PAX5: variants seen among roughly 807,000 people sequenced by gnomAD.
PAX5 encodes the protein paired box 5.
Under a neutral mutation model 43.7 loss-of-function variants are expected in PAX5, and 9 were observed. The ratio of observed to expected loss-of-function variants is 0.21; its 90% confidence interval spans 0.12 to 0.36. PAX5 has a LOEUF of 0.36. Ranked by LOEUF, PAX5 falls within the 10% of genes least tolerant of loss-of-function variation. PAX5 has a pLI of 1.00. For missense variants in PAX5, 383 were observed against 532.7 expected, an observed-to-expected ratio of 0.72 and a Z score of 2.77; for synonymous variants, 228 against 214.3, an observed-to-expected ratio of 1.06 and a Z score of -0.56.
chr9:36,970,828 G>A (rs1328117347), intron 5 of PAX5, among the ~76,000 whole-genome samples: 8 of 152,110 alleles, frequency 5.3e-5, no homozygotes, highest in Non-Finnish European at 1.0e-4. Flanking sequence ...TTAGGGCTCT[G>A]ACCACTTTCT....
At chr9:36,884,926 C>T (rs1301589522) in intron 7 of PAX5, among the ~76,000 whole-genome samples, 1 of 152,220 alleles carries the variant, frequency 6.6e-6, no homozygotes, top group Non-Finnish European at 1.5e-5. Context: ...TGGCACATGG[C>T]CGCATGCACT....
chr9:37,025,852 T>G (rs762721285), intron 1 of PAX5, among the ~76,000 whole-genome samples: 22 of 152,224 alleles, frequency 1.4e-4, no homozygotes, highest in Non-Finnish European at 2.5e-4. Flanking sequence ...CTTATCCTCT[T>G]TTTTTAAAGG....
At chr9:36,903,566 A>C (rs1828575042) in intron 7 of PAX5, among the ~76,000 whole-genome samples, 1 of 152,240 alleles carries the variant, frequency 6.6e-6, no homozygotes, top group African/African-American at 2.4e-5. Context: ...GGGCATGTCC[A>C]GGTGGCCTGG....
intron 6 of PAX5, among the ~76,000 whole-genome samples, chr9:36,923,837 CA>C (rs1445535839): frequency 2.0e-5 from 3 of 152,218 alleles, no homozygotes; most frequent in African/African-American, 7.2e-5. Context: ...TAACCAAAAG[CA>C]AGGCAGAAAT....
chr9:37,014,905 A>C, intron 3 of PAX5, 92 bp downstream of exon 3: 1 of 1,198,386 alleles, frequency 8.3e-7, no homozygotes, highest in Non-Finnish European at 1.2e-6. Context: ...GTGAAAAAAG[A>C]GACCAGATCT....
chr9:36,981,996 G>A (rs1396994402), intron 5 of PAX5, among the ~76,000 whole-genome samples: 2 of 152,270 alleles, frequency 1.3e-5, no homozygotes, highest in Non-Finnish European at 2.9e-5. Flanking sequence ...TGGACCCTGT[G>A]GCTCCCCACT....
At chr9:36,863,876 T>A (rs75414298) in intron 8 of PAX5, among the ~76,000 whole-genome samples, 1 of 152,128 alleles carries the variant, frequency 6.6e-6, no homozygotes, top group East Asian at 1.9e-4. Flanking sequence ...TTTGGGAGGC[T>A]AAGGTGGGCG....
rs1357576828 is a variant in PAX5 at position 36,882,541 on chromosome 9, C to G, written c.911-436G>C. On this transcript the variant is annotated intron_variant, in intron 7 of 9. Coordinates refer to ENST00000358127, the MANE Select transcript of PAX5 (RefSeq NM_016734.3). The surrounding 1 kb of genome is among the most constrained non-coding windows in gnomAD (Gnocchi z 4.4). ...AAGTCCCCCTTCCTCCAACTGCACA[C>G]AGCCTGCCACCACCTGCCTTCAAAG... is the stretch of plus-strand genomic sequence containing the variant. Among the ~76,000 whole-genome samples, 1 of 152,224 alleles carries G rather than the reference C, an allele frequency of 6.6e-6. No individual in the cohort carries two copies. Among genetic ancestry groups the G allele is most frequent in the Admixed American group, 6.5e-5 (1 of 15,284 alleles).
intron 5 of PAX5, among the ~76,000 whole-genome samples, chr9:36,995,539 C>T (rs181790229): frequency 3.9e-5 from 6 of 152,206 alleles, no homozygotes; most frequent in African/African-American, 7.2e-5. Context: ...GTGGGGATGG[C>T]GGACGGCCCT....
chr9:37,033,835 T>C (rs1009688225), intron 1 of PAX5, 151 bp downstream of exon 1: 19 of 666,270 alleles, frequency 2.9e-5, no homozygotes, highest in Non-Finnish European at 2.7e-5. Context: ...TGTGAACAGA[T>C]AGGTGAAAAA....
At chr9:36,966,376 G>A (rs372936449) in intron 6 of PAX5, among the ~76,000 whole-genome samples, 173 bp downstream of exon 6, 4 of 152,220 alleles carry the variant, frequency 2.6e-5, no homozygotes, top group Admixed American at 2.6e-4. Context: ...AAGCCCTCCC[G>A]ACCTTATAGG....
intron 7 of PAX5, among the ~76,000 whole-genome samples, chr9:36,897,608 G>A (rs1480401778): frequency 1.3e-5 from 2 of 152,176 alleles, no homozygotes; most frequent in African/African-American, 4.8e-5. Context: ...GCAAGGGCAG[G>A]GTCTTGCCCA....
intron 5 of PAX5, among the ~76,000 whole-genome samples, chr9:36,995,006 T>C: frequency 6.6e-6 from 1 of 151,788 alleles, no homozygotes; most frequent in Non-Finnish European, 1.5e-5. Flanking sequence ...ACAACCCACC[T>C]CTCTACATGA....
At chr9:36,957,062 G>T (rs932924330) in intron 6 of PAX5, among the ~76,000 whole-genome samples, 1 of 152,212 alleles carries the variant, frequency 6.6e-6, no homozygotes, top group Non-Finnish European at 1.5e-5. Flanking sequence ...CATGGGAGGA[G>T]TCACTTATCC....
At chr9:36,936,292 A>G (rs1417890939) in intron 6 of PAX5, among the ~76,000 whole-genome samples, 1 of 151,652 alleles carries the variant, frequency 6.6e-6, no homozygotes, top group Admixed American at 6.6e-5. Context: ...GGGGATGGGG[A>G]CTCCCTGTCT....
At chr9:37,019,032 C>G (rs1839633322) in intron 2 of PAX5, among the ~76,000 whole-genome samples, 1 of 152,082 alleles carries the variant, frequency 6.6e-6, no homozygotes, top group East Asian at 1.9e-4. Context: ...TTCTCTCTCC[C>G]TCTCTCTCGG....
chr9:36,992,129 C>CA (rs950244771), intron 5 of PAX5, among the ~76,000 whole-genome samples: 17 of 150,852 alleles, frequency 1.1e-4, no homozygotes, highest in Admixed American at 6.6e-5. Flanking sequence ...CCCCCACCCC[C>CA]CAACCCTCCC....
Position 36,836,231 on chromosome 9 carries a change from C to T in PAX5, c.*4329G>A, listed in dbSNP as rs566538881. 9 of 233,660 alleles carry T rather than the reference C, an allele frequency of 3.9e-5. 1 individual carries two copies. The South Asian group carries it at 1.6e-3, about 42-fold the overall frequency. 14.5% of individuals were successfully genotyped at this position (233,660 alleles called of 1,614,324 possible). ...CAGCTCCCCAATCCCGTCCCCAGCG[C>T]CTCTGACCTTCCACCCAACTCCATC... On this transcript the variant is annotated 3_prime_UTR_variant, in exon 10 of 10. Coordinates refer to ENST00000358127, the MANE Select transcript of PAX5 (RefSeq NM_016734.3).
chr9:36,921,522 T>C (rs911288478), intron 7 of PAX5, among the ~76,000 whole-genome samples: 2 of 152,216 alleles, frequency 1.3e-5, no homozygotes, highest in African/African-American at 4.8e-5. Flanking sequence ...AGCTGTGATC[T>C]TGACAAGCCA....
Sources: gnomAD v4.1 joint callset for allele counts (sites outside exome capture counted in the v4.1 genomes callset) on GRCh38, gnomAD v4.1.1 for gene constraint, Gnocchi (gnomAD v3.1) non-coding constraint, MANE v1.5 for transcripts, NCBI Gene and HGNC (gene_info 2026-07-23, HGNC 2026-07-21) for gene names.